BBS1: variants seen among roughly 807,000 people sequenced by gnomAD.
The protein encoded by BBS1 is BBSome complex member BBS1.
In BBS1, 60 loss-of-function variants were observed where a neutral mutation model predicts 73.9. That is an observed-to-expected ratio of 0.81 (90% CI 0.66 to 1.01). BBS1 has a LOEUF of 1.01. Among genes scored for constraint, BBS1 ranks in the 50% least tolerant of loss-of-function variants. The probability of loss-of-function intolerance (pLI) is 0.00; values close to 1 mark genes in which losing one functional copy is unlikely to be tolerated. For missense variants in BBS1, 718 were observed against 770.3 expected (o/e 0.93, Z 0.80); for synonymous variants, 283 against 317.4 (o/e 0.89, Z 1.15).
At position 66,531,021 on chromosome 11, in the gene BBS1, T is replaced by C. The variant is rs768807278; in HGVS notation, c.1601T>C (p.Phe534Ser). 3.0e-5 allele frequency: 49 copies of C among 1,614,066 alleles called. No homozygotes were observed. The highest frequency in any genetic ancestry group is 3.9e-5 in the Non-Finnish European group (46 of 1,180,030). Reference sequence around the variant, plus strand: ...GCGCTCTATTCCCTGCCCCGGGCCTTCTTCAAGGTACTGGATGCTCCTCAC... The same window carrying C: ...GCGCTCTATTCCCTGCCCCGGGCCTCCTTCAAGGTACTGGATGCTCCTCAC... ...NEALYSLPRA[F>S]FKVPLLVPGL... Residue 534 changes from phenylalanine to serine, a missense_variant, in exon 15 of 17, where the codon TTC becomes TCC. Physicochemically the swap from Phe to Ser is radical, Grantham distance 155 (BLOSUM62 -2). Coordinates refer to ENST00000318312, the MANE Select transcript of BBS1 (RefSeq NM_024649.5).
chr11:66,517,469 CTTTT>C (rs1247554577), intron 7 of BBS1, among the ~76,000 whole-genome samples: 1 of 136,970 alleles, frequency 7.3e-6, no homozygotes, highest in Non-Finnish European at 1.6e-5. Context: ...AATTTTTGTC[CTTTT>C]TTTTTTTTTT....
chr11:66,527,063 C>T (rs916501820), intron 13 of BBS1: 32 of 1,512,660 alleles, frequency 2.1e-5, no homozygotes, highest in African/African-American at 5.5e-5. Context: ...CACTTCCAAA[C>T]GCAGGAATTC....
chr11:66,515,463 T>G, intron 4 of BBS1, 77 bp from the exon 5 acceptor site: 3 of 1,499,652 alleles, frequency 2.0e-6, no homozygotes, highest in Non-Finnish European at 2.8e-6. Flanking sequence ...CCTAGAAGTG[T>G]GGAGCTGTCT....
At chr11:66,529,766 C>A in intron 13 of BBS1, 53 bp from the exon 14 acceptor site, 2 of 1,604,830 alleles carry the variant, frequency 1.2e-6, no homozygotes, top group Non-Finnish European at 1.7e-6. Context: ...GTTGCTGCCT[C>A]CTCCCTGCCA....
chr11:66,512,530 G>T (rs1239131509), intron 3 of BBS1, among the ~76,000 whole-genome samples: 2 of 152,098 alleles, frequency 1.3e-5, no homozygotes, highest in African/African-American at 2.4e-5. Flanking sequence ...GGCATCATGG[G>T]GACACTACAC....
At position 66,524,002 on chromosome 11, in the gene BBS1, A is replaced by G. The variant is rs1856371849; in HGVS notation, c.1110+120A>G. ...CATTTCAAAAACATTTGTTGAGGCC[A>G]GGCACAGTGGCTCATGCCTGTAATC... On this transcript the variant is annotated intron_variant, in intron 11 of 16. Transcript: ENST00000318312. 4.9e-6 allele frequency: 7 copies of G among 1,419,304 alleles called. No homozygotes were observed. In the South Asian group the frequency reaches 6.0e-5, roughly 12 times the overall value. The allele number at this position is 1,419,304 out of a possible 1,614,324, so 87.9% of individuals were successfully genotyped here.
At position 66,531,670 on chromosome 11, in the gene BBS1, G is replaced by C. The variant is rs1856786528; in HGVS notation, c.1623G>C (p.Val541=). The change falls in exon 16 of 17, where the codon GTG becomes GTC. Residue 541 remains valine (V), a synonymous_variant. Coordinates refer to ENST00000318312, the MANE Select transcript of BBS1 (RefSeq NM_024649.5). The stretch of plus-strand genomic sequence containing the variant: ...CCCAAACTTAGGTACCCTTGCTGGT[G>C]CCAGGGCTCAACTACCCCCTGGAGA... ...PRAFFKVPLL[V]PGLNYPLETF... The C allele has an allele frequency of 1.2e-6, 2 of 1,614,008 alleles. No individual in the cohort carries two copies. The highest frequency in any genetic ancestry group is 2.7e-5 in the African/African-American group (2 of 74,904).
At chr11:66,531,110 G>C in intron 15 of BBS1, 82 bp downstream of exon 15, 1 of 1,574,704 alleles carries the variant, frequency 6.4e-7, no homozygotes, top group Non-Finnish European at 8.6e-7. Flanking sequence ...GCCCCGCCAG[G>C]TCAGGGTCAG....
At chr11:66,512,216 A>G (rs1458302331) in intron 3 of BBS1, among the ~76,000 whole-genome samples, 28 of 152,072 alleles carry the variant, frequency 1.8e-4, no homozygotes, top group Admixed American at 1.8e-3. Context: ...ATGGAGGCAC[A>G]TAAACATGGA....
At chr11:66,516,937 C>T (rs1353507438) in intron 7 of BBS1, among the ~76,000 whole-genome samples, 8 of 152,248 alleles carry the variant, frequency 5.3e-5, no homozygotes, top group Middle Eastern at 6.8e-3. Context: ...CGGTGGCTCA[C>T]GCCTGTAATC....
chr11:66,514,768 T>TG, intron 4 of BBS1, 90 bp downstream of exon 4: 1 of 1,508,846 alleles, frequency 6.6e-7, no homozygotes, highest in Non-Finnish European at 9.1e-7. Flanking sequence ...GAACGTGGGC[T>TG]GGTGGCAGGA....
intron 16 of BBS1, 86 bp from the exon 17 acceptor site, chr11:66,531,864 GC>G: frequency 6.3e-7 from 1 of 1,593,720 alleles, no homozygotes; most frequent in Non-Finnish European, 8.5e-7. Flanking sequence ...GCACAGTGGA[GC>G]CCTGTGGCCT....
chr11:66,530,791 G>A lies in BBS1; in HGVS notation c.1474-103G>A, dbSNP rs1856743774. ...CTGCTGGGAGGCAGATTGAGTAGGA[G>A]GAGGGGACATGAGGGCATTGGTGGA... On this transcript the variant is annotated intron_variant, in intron 14 of 16. Transcript: ENST00000318312. The A allele has an allele frequency of 7.3e-6, 11 of 1,503,312 alleles. No homozygotes were observed. In the South Asian group the frequency reaches 1.2e-4, roughly 17 times the overall value. 93.1% of individuals were successfully genotyped at this position (1,503,312 alleles called of 1,614,324 possible).
chr11:66,527,207 CA>C (rs201003949), intron 13 of BBS1: 49,988 of 416,304 alleles, frequency 0.12, 1 homozygote, highest in South Asian at 0.16. Flanking sequence ...ACTTCTTTCT[CA>C]AAAAAAAAAA....
Position 66,521,321 on chromosome 11 carries a change from G to A in BBS1, c.775G>A (p.Val259Ile), listed in dbSNP as rs748471738. 1.9e-6 allele frequency: 3 copies of A among 1,614,240 alleles called. No individual in the cohort carries two copies. The highest frequency in any genetic ancestry group is 1.1e-5 in the South Asian group (1 of 91,084). The change falls in exon 9 of 17, where the codon GTT (valine) becomes ATT (isoleucine). Residue 259 changes from valine (V) to isoleucine (I), a missense_variant. Val to Ile is a conservative substitution (Grantham distance 29). Coordinates refer to ENST00000318312, the MANE Select transcript of BBS1 (RefSeq NM_024649.5). ...VFLEVSGQFD[V>I]EFRLAAACRN... ...CCTAGAGGTTTCTGGCCAGTTTGAT[G>A]TTGAGTTCCGGCTTGCCGCGGCCTG...
rs770947454 is a variant in BBS1 at position 66,531,688 on chromosome 11, C to A, written c.1641C>A (p.Pro547=). The change falls in exon 16 of 17, where the codon CCC becomes CCA. Residue 547 remains proline (P), a synonymous_variant. Coordinates refer to ENST00000318312, the MANE Select transcript of BBS1 (RefSeq NM_024649.5). ...VPLLVPGLNY[P]LETFVESLSN... is the part of the protein sequence containing the mutation. ...TGCTGGTGCCAGGGCTCAACTACCCCCTGGAGACCTTTGTGGAGAGTCTCA... is the reference window on the plus strand; with the variant it reads ...TGCTGGTGCCAGGGCTCAACTACCCACTGGAGACCTTTGTGGAGAGTCTCA... 6.2e-7 allele frequency: 1 copy of A among 1,614,100 alleles called. No individual in the cohort carries two copies. Among genetic ancestry groups the A allele is most frequent in the Non-Finnish European group, 8.5e-7 (1 of 1,179,994 alleles).
rs766386034 is a variant in BBS1, at chr11:66,529,803, G to C, written c.1340-16G>C. The C allele has an allele frequency of 6.2e-7, 1 of 1,610,182 alleles. No individual in the cohort carries two copies. Among genetic ancestry groups the C allele is most frequent in the South Asian group, 1.1e-5 (1 of 91,080 alleles). On this transcript the variant is annotated splice_polypyrimidine_tract_variant and intron_variant, in intron 13 of 16. Coordinates refer to ENST00000318312, the MANE Select transcript of BBS1 (RefSeq NM_024649.5). ...CCCCCACCTCCACCGTCAGCCTCTG[G>C]GACCCTTCTCCACAGCCATGCACCG...
rs1306126953 is a variant in BBS1 at position 66,530,907 on chromosome 11, G to A, written c.1487G>A (p.Gly496Asp). ...LKLHAVVQGL[G>D]PTFKLTLHLQ... ...CCCTCTCCATAGGTTCAGGGCCTTG[G>A]CCCCACCTTTAAGCTCACACTTCAC... is the stretch of plus-strand genomic sequence containing the variant. Residue 496 changes from glycine to aspartate, a missense_variant, in exon 15 of 17, where the codon GGC (glycine) becomes GAC (aspartate). Coordinates refer to ENST00000318312, the MANE Select transcript of BBS1 (RefSeq NM_024649.5). 1 of 1,614,034 alleles carries A rather than the reference G, an allele frequency of 6.2e-7. No individual in the cohort carries two copies. Among genetic ancestry groups the A allele is most frequent in the East Asian group, 2.2e-5 (1 of 44,892 alleles).
intron 9 of BBS1, 164 bp from the exon 10 acceptor site, chr11:66,523,292 C>T: frequency 1.0e-6 from 1 of 953,276 alleles, no homozygotes; most frequent in Non-Finnish European, 1.7e-6. Flanking sequence ...TTTTCCAAGG[C>T]CACACATTTA....
Sources: allele counts gnomAD v4.1 joint callset (sites outside exome capture counted in the v4.1 genomes callset), GRCh38; gene constraint gnomAD v4.1.1; transcripts MANE v1.5; gene names NCBI Gene and HGNC (gene_info 2026-07-23, HGNC 2026-07-21).